The following TMEM117 variants were observed in gnomAD, a reference collection of about 807,000 sequenced individuals.
The protein encoded by TMEM117 is transmembrane protein 117.
In TMEM117, 27 loss-of-function variants were observed where a neutral mutation model predicts 52.4. The ratio of observed to expected loss-of-function variants is 0.51; its 90% CI spans 0.38 to 0.71. TMEM117 has a LOEUF of 0.71. Among genes scored for constraint, TMEM117 ranks in the 30% least tolerant of loss-of-function variants. TMEM117 has a pLI of 0.00. For missense variants in TMEM117, 556 were observed against 630.5 expected (o/e 0.88, Z 1.26); for synonymous variants, 215 against 206.3 (o/e 1.04, Z -0.36).
intron 5 of TMEM117, among the ~76,000 whole-genome samples, chr12:44,255,866 T>C (rs2138525862): frequency 6.6e-6 from 1 of 152,204 alleles, no homozygotes; most frequent in South Asian, 2.1e-4. Context: ...GGAAAATATG[T>C]TTTGGAAAAC....
Position 44,094,743 on chromosome 12 carries a change from T to C in TMEM117, c.411-48782T>C, listed in dbSNP as rs192326531. On this transcript the variant is annotated intron_variant, in intron 3 of 7. Coordinates refer to ENST00000266534, the MANE Select transcript of TMEM117 (RefSeq NM_032256.3). ...GATATTTCTAAAAATTCACTCACTA[T>C]TAATTAATGAATAGTGCAAATTAGG... 5.9e-5 allele frequency among the ~76,000 whole-genome samples: 9 copies of C among 152,188 alleles called. No individual in the cohort carries two copies. In the East Asian group the frequency reaches 1.5e-3, roughly 26 times the overall value.
chr12:44,054,960 A>G (rs753627948), intron 3 of TMEM117, among the ~76,000 whole-genome samples: 49 of 152,066 alleles, frequency 3.2e-4, no homozygotes, highest in Non-Finnish European at 5.7e-4. Context: ...CATGTCCCCA[A>G]ATACTGGAAT....
chr12:44,395,626 G>C, the TMEM117 span, among the ~76,000 whole-genome samples: 91 of 152,284 alleles, frequency 6.0e-4, no homozygotes, highest in South Asian at 0.018. Context: ...CCACTGAACT[G>C]GGTGTTCACT....
rs182225352 is a variant in TMEM117 at position 43,996,441 on chromosome 12, A to G, written c.410+52099A>G. ...GGCAGATCACAAGGTCAGGAGATCA[A>G]GACCACCCTGGATAACACGGTGAAA... is the stretch of plus-strand genomic sequence containing the variant. On this transcript the variant is annotated intron_variant, in intron 3 of 7. Transcript: ENST00000266534. Among the ~76,000 whole-genome samples the G allele has an allele frequency of 3.6e-3, 554 of 152,266 alleles. 2 individuals are homozygous for G. Among genetic ancestry groups the G allele is most frequent in the African/African-American group, 0.013 (528 of 41,552 alleles).
At chr12:43,833,808 A>G (rs1012308228), upstream of TMEM117, among the ~76,000 whole-genome samples, 2 of 151,712 alleles carry the variant, frequency 1.3e-5, no homozygotes, top group Non-Finnish European at 2.9e-5. Context: ...GAAAAAAAAA[A>G]TAGGCTGGGC....
intron 6 of TMEM117, among the ~76,000 whole-genome samples, chr12:44,366,505 C>G (rs1951791239): frequency 6.6e-6 from 1 of 152,088 alleles, no homozygotes; most frequent in Non-Finnish European, 1.5e-5. Context: ...TCCCTCTAAC[C>G]TGCTCCAGTG....
intron 3 of TMEM117, among the ~76,000 whole-genome samples, chr12:43,998,618 G>A (rs1022670189): frequency 1.3e-5 from 2 of 152,094 alleles, no homozygotes; most frequent in African/African-American, 4.8e-5. Flanking sequence ...AATACAACTG[G>A]AAAATTAAAA....
intron 3 of TMEM117, among the ~76,000 whole-genome samples, chr12:44,021,446 C>T (rs12312959): frequency 2.6e-4 from 40 of 152,266 alleles, no homozygotes; most frequent in African/African-American, 7.7e-4. Flanking sequence ...TGTTATAGAA[C>T]GGGCTAAAGA....
intron 5 of TMEM117, among the ~76,000 whole-genome samples, chr12:44,237,687 C>T (rs968636071): frequency 4.0e-5 from 6 of 151,722 alleles, no homozygotes; most frequent in African/African-American, 7.3e-5. Flanking sequence ...ACCGCACTCC[C>T]GCCTGGGAGA....
chr12:44,181,607 G>A (rs1949200302), intron 4 of TMEM117, among the ~76,000 whole-genome samples: 1 of 152,066 alleles, frequency 6.6e-6, no homozygotes, highest in African/African-American at 2.4e-5. Context: ...TTATTAAATA[G>A]GGAATCCCTT....
At chr12:44,098,362 C>T (rs1031574466) in intron 3 of TMEM117, among the ~76,000 whole-genome samples, 4 of 152,016 alleles carry the variant, frequency 2.6e-5, no homozygotes, top group Non-Finnish European at 5.9e-5. Flanking sequence ...CCTTTGAAGA[C>T]AGAGACAGCA....
intron 6 of TMEM117, among the ~76,000 whole-genome samples, chr12:44,338,691 C>A (rs1951375788): frequency 6.6e-6 from 1 of 151,984 alleles, no homozygotes; most frequent in Admixed American, 6.6e-5. Flanking sequence ...AAATTTCATG[C>A]AGATATATTT....
intron 5 of TMEM117, among the ~76,000 whole-genome samples, chr12:44,249,689 A>G (rs185600240): frequency 9.5e-4 from 145 of 152,300 alleles, no homozygotes; most frequent in African/African-American, 3.2e-3. Flanking sequence ...GTAACACTAC[A>G]CATCTACAAC....
the TMEM117 span, among the ~76,000 whole-genome samples, chr12:44,397,447 C>A: frequency 2.0e-5 from 3 of 152,190 alleles, no homozygotes; most frequent in East Asian, 5.8e-4. Flanking sequence ...ACAGGCAGGA[C>A]CAGACAGAAT....
intron 6 of TMEM117, among the ~76,000 whole-genome samples, chr12:44,372,109 C>T (rs1951872234): frequency 6.6e-6 from 1 of 152,134 alleles, no homozygotes; most frequent in Non-Finnish European, 1.5e-5. Flanking sequence ...AACCACAAAT[C>T]TGATAGACCT....
chr12:44,386,313 C>T (rs1358243739), intron 7 of TMEM117, among the ~76,000 whole-genome samples: 4 of 152,070 alleles, frequency 2.6e-5, no homozygotes, highest in Admixed American at 6.6e-5. Context: ...TTTTGAAGAT[C>T]TCATGAGTGG....
chr12:44,204,257 T>G (rs1949535109), intron 4 of TMEM117, among the ~76,000 whole-genome samples: 1 of 152,114 alleles, frequency 6.6e-6, no homozygotes, highest in Admixed American at 6.6e-5. Flanking sequence ...TCAGCAGCAT[T>G]TCTGTATGTC....
At chr12:44,224,908 G>A (rs992860901) in intron 5 of TMEM117, among the ~76,000 whole-genome samples, 4 of 151,990 alleles carry the variant, frequency 2.6e-5, no homozygotes, top group African/African-American at 4.8e-5. Context: ...CCAAAGCCGC[G>A]TCTGGAAAGC....
chr12:44,052,222 C>T (rs1280772644), intron 3 of TMEM117, among the ~76,000 whole-genome samples: 5 of 152,136 alleles, frequency 3.3e-5, no homozygotes, highest in Admixed American at 2.6e-4. Flanking sequence ...TACTATTGGG[C>T]TTGTTCGCCC....
Sources: allele counts gnomAD v4.1 joint callset (sites outside exome capture counted in the v4.1 genomes callset), GRCh38; gene constraint gnomAD v4.1.1; transcripts MANE v1.5; gene names NCBI Gene and HGNC (gene_info 2026-07-23, HGNC 2026-07-21).